Variants in NR3C2 observed in about 807,000 individuals in gnomAD.
NR3C2 encodes the protein nuclear receptor subfamily 3 group C member 2.
Under a neutral mutation model 86.4 loss-of-function variants are expected in NR3C2, and 15 were observed. The observed-to-expected ratio is 0.17, with a 90% CI of 0.12 to 0.27. NR3C2 has a LOEUF of 0.27. NR3C2 is among the 10% of genes least tolerant of loss of function. The probability of loss-of-function intolerance (pLI) is 1.00; values close to 1 mark genes in which losing one functional copy is unlikely to be tolerated. For synonymous variants in NR3C2, 458 were observed against 450.5 expected (o/e 1.02, Z -0.21); for missense variants, 960 against 1,195.6 (o/e 0.80, Z 2.91).
chr4:148,415,251 T>C (rs976381026), intron 2 of NR3C2, among the ~76,000 whole-genome samples: 1 of 152,182 alleles, frequency 6.6e-6, no homozygotes, highest in African/African-American at 2.4e-5. Context: ...TCGCAGGAAC[T>C]GAAGGAGTCA....
chr4:148,206,094 T>C (rs574112658), intron 3 of NR3C2, among the ~76,000 whole-genome samples: 14 of 152,328 alleles, frequency 9.2e-5, no homozygotes, highest in African/African-American at 2.9e-4. Context: ...CAGTGGAAGA[T>C]GTCCTAGAGT....
chr4:148,319,608 G>C (rs1483323495), intron 2 of NR3C2, among the ~76,000 whole-genome samples: 2 of 149,312 alleles, frequency 1.3e-5, no homozygotes, highest in Non-Finnish European at 3.0e-5. Context: ...TTGTAAGTTG[G>C]ATTCCTAGGT....
intron 3 of NR3C2, among the ~76,000 whole-genome samples, chr4:148,212,998 G>A (rs1458405706): frequency 6.6e-6 from 1 of 152,180 alleles, no homozygotes; most frequent in Non-Finnish European, 1.5e-5. Context: ...CACAGAGGAA[G>A]AAGAAATTAA....
chr4:148,321,396 G>C (rs1044321012), intron 2 of NR3C2, among the ~76,000 whole-genome samples: 1 of 151,492 alleles, frequency 6.6e-6, no homozygotes, highest in East Asian at 1.9e-4. Context: ...TATTAGGTCC[G>C]CTTGGTGCAG....
Position 148,105,715 on chromosome 4 carries a change from G to C in NR3C2, c.2799+8389C>G, listed in dbSNP as rs1489491387. The stretch of plus-strand genomic sequence containing the variant: ...GGCTTCATCCCTGGGATGCAAGGCT[G>C]GTTCGACATACACAAATCAATAAAC... On this transcript the variant is annotated intron_variant, in intron 8 of 8. Transcript: ENST00000358102. 9.2e-5 allele frequency among the ~76,000 whole-genome samples: 14 copies of C among 152,138 alleles called. No homozygotes were observed. In the East Asian group the frequency reaches 2.1e-3, roughly 23 times the overall value.
intron 2 of NR3C2, among the ~76,000 whole-genome samples, chr4:148,427,726 T>C (rs1180925216): frequency 1.3e-5 from 2 of 151,924 alleles, no homozygotes; most frequent in African/African-American, 4.8e-5. Flanking sequence ...GAACCCTCCT[T>C]GAAGAAATGG....
intron 3 of NR3C2, among the ~76,000 whole-genome samples, chr4:148,233,865 T>A (rs1371409015): frequency 1.3e-5 from 2 of 151,816 alleles, no homozygotes; most frequent in Non-Finnish European, 2.9e-5. Context: ...AATGAAAAAG[T>A]TTAAAATATT....
At chr4:148,234,883 A>G (rs767816938) in intron 3 of NR3C2, among the ~76,000 whole-genome samples, 62 of 152,198 alleles carry the variant, frequency 4.1e-4, no homozygotes, top group South Asian at 8.3e-4. Context: ...AATTCATGTC[A>G]TGGGGGTTTG....
chr4:148,190,662 G>A (rs1277887325), intron 4 of NR3C2, among the ~76,000 whole-genome samples: 1 of 152,160 alleles, frequency 6.6e-6, no homozygotes, highest in Non-Finnish European at 1.5e-5. Context: ...TTGTGTTGCT[G>A]TTTATCTCAT....
At chr4:148,326,233 A>AC (rs1333899773) in intron 2 of NR3C2, among the ~76,000 whole-genome samples, 1 of 60,476 alleles carries the variant, frequency 1.7e-5, no homozygotes, top group Non-Finnish European at 3.2e-5. Context: ...TACTAAAAAT[A>AC]CAAAAAAAAA....
At chr4:148,192,134 T>C (rs1736226275) in intron 4 of NR3C2, among the ~76,000 whole-genome samples, 1 of 152,242 alleles carries the variant, frequency 6.6e-6, no homozygotes. Flanking sequence ...AGGGACGGTC[T>C]AGGGCTGAAA....
At chr4:148,399,839 T>C (rs1437557159) in intron 2 of NR3C2, among the ~76,000 whole-genome samples, 1 of 152,194 alleles carries the variant, frequency 6.6e-6, no homozygotes, top group African/African-American at 2.4e-5. Context: ...AACCCAGATA[T>C]GAGTGCTAAC....
At chr4:148,307,447 T>C (rs961625913) in intron 2 of NR3C2, among the ~76,000 whole-genome samples, 1 of 152,188 alleles carries the variant, frequency 6.6e-6, no homozygotes, top group African/African-American at 2.4e-5. Flanking sequence ...TCAAACGAGA[T>C]TTGTAGGCTC....
chr4:148,138,777 C>T (rs914259359), intron 6 of NR3C2, among the ~76,000 whole-genome samples: 1 of 152,208 alleles, frequency 6.6e-6, no homozygotes, highest in Non-Finnish European at 1.5e-5. Context: ...GTGTTACAAA[C>T]TTAATCCCAA....
At chr4:148,399,703 CACACACAT>C (rs1412491417) in intron 2 of NR3C2, among the ~76,000 whole-genome samples, 2 of 152,036 alleles carry the variant, frequency 1.3e-5, no homozygotes, top group African/African-American at 2.4e-5. Flanking sequence ...CACACACACA[CACACACAT>C]ACATATATAC....
intron 2 of NR3C2, among the ~76,000 whole-genome samples, chr4:148,316,704 TCTC>T (rs2149944229): frequency 6.6e-6 from 1 of 152,320 alleles, no homozygotes; most frequent in South Asian, 2.1e-4. Flanking sequence ...TATTTATACT[TCTC>T]ATTATTTTAG....
chr4:148,291,926 C>T (rs1447559578), intron 2 of NR3C2, among the ~76,000 whole-genome samples: 1 of 152,114 alleles, frequency 6.6e-6, no homozygotes, highest in African/African-American at 2.4e-5. Context: ...AATCATCTAA[C>T]ACAAAGCCTA....
chr4:148,208,495 TGTAGTACCCCC>T (rs1443615841), intron 3 of NR3C2: 14 of 152,282 alleles, frequency 9.2e-5, no homozygotes, highest in African/African-American at 3.1e-4. Flanking sequence ...TTAATGCCTA[TGTAGTACCCCC>T]GTCCTTACAG....
At chr4:148,379,496 A>G (rs1746853846) in intron 2 of NR3C2, among the ~76,000 whole-genome samples, 1 of 152,220 alleles carries the variant, frequency 6.6e-6, no homozygotes, top group South Asian at 2.1e-4. Flanking sequence ...AGAGAGAATC[A>G]AGGTTGTGGA....
Sources: allele counts gnomAD v4.1 joint callset (sites outside exome capture counted in the v4.1 genomes callset), GRCh38; gene constraint gnomAD v4.1.1; transcripts MANE v1.5; gene names NCBI Gene and HGNC (gene_info 2026-07-23, HGNC 2026-07-21).